The following SPRED1 variants were observed in gnomAD, a reference collection of about 807,000 sequenced individuals.
The protein encoded by SPRED1 is sprouty-related, EVH1 domain-containing protein 1.
A neutral mutation model predicts 52.3 loss-of-function variants in SPRED1; 18 were observed. The ratio of observed to expected loss-of-function variants is 0.34; its 90% CI spans 0.24 to 0.51. SPRED1 has a LOEUF of 0.51. Among genes scored for constraint, SPRED1 ranks in the 20% least tolerant of loss-of-function variants. The pLI, the probability that SPRED1 is intolerant of heterozygous loss-of-function variation, is 0.97. For missense variants in SPRED1, 485 were observed against 551.0 expected, an observed-to-expected ratio of 0.88 and a Z score of 1.20; for synonymous variants, 155 against 179.7, an observed-to-expected ratio of 0.86 and a Z score of 1.10.
At chr15:38,288,929 T>C (rs1894864036) in intron 1 of SPRED1, among the ~76,000 whole-genome samples, 1 of 152,150 alleles carries the variant, frequency 6.6e-6, no homozygotes, top group Non-Finnish European at 1.5e-5. Flanking sequence ...AGCAACAAAT[T>C]TTCAGTTAGT....
chr15:38,300,274 A>T (rs1021436092), intron 2 of SPRED1, among the ~76,000 whole-genome samples: 1 of 152,206 alleles, frequency 6.6e-6, no homozygotes, highest in African/African-American at 2.4e-5. Flanking sequence ...AACTGATTAC[A>T]TCCGAAAAGC....
At chr15:38,303,948 T>G (rs953203002) in intron 2 of SPRED1, among the ~76,000 whole-genome samples, 2 of 152,182 alleles carry the variant, frequency 1.3e-5, no homozygotes, top group African/African-American at 4.8e-5. Flanking sequence ...CCAAAGAGAT[T>G]AAGGAATTGT....
rs1888546647 is a variant in SPRED1, at chr15:38,353,758, C to T, written c.*2094C>T. On this transcript the variant is annotated 3_prime_UTR_variant, in exon 7 of 7. Coordinates refer to ENST00000299084, the MANE Select transcript of SPRED1 (RefSeq NM_152594.3). The stretch of plus-strand genomic sequence containing the variant: ...TCAGGTTTGATCAAGGTGTGAATAA[C>T]TGAAGAAAATAACTTGCTGGCTATA... 1 of 152,478 alleles carries T rather than the reference C, an allele frequency of 6.6e-6. No individual in the cohort carries two copies. The highest frequency in any genetic ancestry group is 2.4e-5 in the African/African-American group (1 of 41,408). The allele number at this position is 152,478 out of a possible 1,614,324, so 9.4% of individuals were successfully genotyped here.
chr15:38,267,891 C>T (rs958105178), intron 1 of SPRED1, among the ~76,000 whole-genome samples: 2 of 152,168 alleles, frequency 1.3e-5, no homozygotes, highest in Admixed American at 6.5e-5. Context: ...TGTACATACA[C>T]GCACGTATGC....
chr15:38,281,852 A>G (rs140377653), intron 1 of SPRED1, among the ~76,000 whole-genome samples: 2,300 of 152,234 alleles, frequency 0.015, 45 homozygotes, highest in African/African-American at 0.038. Flanking sequence ...TTTGACCCCA[A>G]TTAATCCTTT....
chr15:38,303,013 AAAC>A (rs1353281620), intron 2 of SPRED1, among the ~76,000 whole-genome samples: 1 of 151,976 alleles, frequency 6.6e-6, no homozygotes, highest in Non-Finnish European at 1.5e-5. Flanking sequence ...AATACAAAAC[AAAC>A]AACAACAACA....
intron 5 of SPRED1, among the ~76,000 whole-genome samples, chr15:38,340,377 AC>A (rs1896003280): frequency 1.3e-5 from 2 of 152,040 alleles, no homozygotes; most frequent in South Asian, 4.2e-4. Flanking sequence ...CTTGGAATAA[AC>A]CCATCTTGGT....
intron 1 of SPRED1, among the ~76,000 whole-genome samples, chr15:38,293,393 C>G (rs114416885): frequency 6.6e-6 from 1 of 152,012 alleles, no homozygotes; most frequent in African/African-American, 2.4e-5. Context: ...CCACCACACC[C>G]GGCTCCAAGA....
chr15:38,325,539 G>T (rs1895697410), intron 4 of SPRED1, among the ~76,000 whole-genome samples: 1 of 152,014 alleles, frequency 6.6e-6, no homozygotes, highest in Non-Finnish European at 1.5e-5. Context: ...GGCACAAGTT[G>T]ATGTTGCAGT....
intron 2 of SPRED1, among the ~76,000 whole-genome samples, chr15:38,321,386 C>T (rs1490057677): frequency 6.6e-6 from 1 of 152,046 alleles, no homozygotes; most frequent in Non-Finnish European, 1.5e-5. Context: ...AATGCACATT[C>T]GGTCATTCCA....
In SPRED1 at chr15:38,252,952, G is replaced by C. The variant is rs557220249; in HGVS notation, c.-234G>C. The C allele has an allele frequency of 1.7e-6, 1 of 594,116 alleles. No individual in the cohort carries two copies. The highest frequency in any genetic ancestry group is 2.0e-5 in the South Asian group (1 of 50,658). 36.8% of individuals were successfully genotyped at this position (594,116 alleles called of 1,614,324 possible). A position where few individuals can be genotyped will look rare whatever the true frequency, so the allele number is the denominator to read the frequency against. On this transcript the variant is annotated 5_prime_UTR_variant, in exon 1 of 7. Coordinates refer to ENST00000299084, the MANE Select transcript of SPRED1 (RefSeq NM_152594.3). ...CCCTTGGCTGGGCACTGAGGCGGGG[G>C]AAGAGGCTGGGGTCGCCACGGCGGA...
chr15:38,316,109 T>C (rs1337842071), intron 2 of SPRED1, among the ~76,000 whole-genome samples: 1 of 152,022 alleles, frequency 6.6e-6, no homozygotes, highest in Non-Finnish European at 1.5e-5. Flanking sequence ...AGCTTAATCA[T>C]TTTATTTTGA....
chr15:38,326,493 G>A (rs1895711897), intron 4 of SPRED1: 2 of 152,196 alleles, frequency 1.3e-5, no homozygotes, highest in African/African-American at 4.8e-5. Context: ...CATTGTCTAA[G>A]GATGTGAGTG....
At position 38,331,745 on chromosome 15, in the gene SPRED1, G is replaced by A. The variant is rs147322891; in HGVS notation, c.423+6936G>A. On this transcript the variant is annotated intron_variant, in intron 4 of 6. Coordinates refer to ENST00000299084, the MANE Select transcript of SPRED1 (RefSeq NM_152594.3). ...AGTAAGGCCCAGTGTGGGCAGAGAT[G>A]TAAGGAAATGTATCCTCTGTCTTAA... 2.2e-3 allele frequency among the ~76,000 whole-genome samples: 335 copies of A among 152,212 alleles called. 1 individual carries two copies. Among genetic ancestry groups the A allele is most frequent in the African/African-American group, 7.6e-3 (317 of 41,548 alleles).
intron 2 of SPRED1, among the ~76,000 whole-genome samples, chr15:38,319,826 A>G (rs1327642399): frequency 1.3e-5 from 2 of 152,236 alleles, no homozygotes; most frequent in Non-Finnish European, 2.9e-5. Flanking sequence ...ACTACCAAGA[A>G]TTATTATATT....
chr15:38,344,477 A>G (rs763532774), intron 5 of SPRED1, among the ~76,000 whole-genome samples: 2 of 152,204 alleles, frequency 1.3e-5, no homozygotes, highest in Non-Finnish European at 2.9e-5. Context: ...GAATGTAGTC[A>G]TCAGGTAGAA....
rs1188036457 is a variant in SPRED1, at chr15:38,339,863, A to G, written c.550A>G (p.Arg184Gly). The stretch of plus-strand genomic sequence containing the variant: ...TTCTCCCTTTGAAGATCTGAATGCC[A>G]GAAGAGTCTACATGCAAAGCCAAGC... ...RPSPFEDLNA[R>G]RVYMQSQANQ... Residue 184 changes from arginine (R) to glycine (G), a missense_variant, in exon 5 of 7, where the codon AGA (arginine) becomes GGA (glycine). Physicochemically the swap from Arg to Gly is moderately radical, Grantham distance 125. Transcript: ENST00000299084. 1.2e-6 allele frequency: 2 copies of G among 1,613,860 alleles called. No homozygotes were observed. Among genetic ancestry groups the G allele is most frequent in the African/African-American group, 2.7e-5 (2 of 74,940 alleles).
At chr15:38,276,704 C>T (rs1241299259) in intron 1 of SPRED1, among the ~76,000 whole-genome samples, 3 of 152,260 alleles carry the variant, frequency 2.0e-5, no homozygotes, top group East Asian at 1.9e-4. Context: ...TTTGTTCAGG[C>T]TTTCAAGTAT....
At position 38,290,422 on chromosome 15, in the gene SPRED1, A is replaced by G. The variant is rs556739284; in HGVS notation, c.33-8951A>G. 9.9e-5 allele frequency among the ~76,000 whole-genome samples: 15 copies of G among 152,200 alleles called. No individual in the cohort carries two copies. The South Asian group carries it at 3.1e-3, about 32-fold the overall frequency. On this transcript the variant is annotated intron_variant, in intron 1 of 6. Coordinates refer to ENST00000299084, the MANE Select transcript of SPRED1 (RefSeq NM_152594.3). ...AAAGGTGTAGTTTGTGAAAACCTCT[A>G]TTCATCTCTCATATTTTAATTTTAT...
Sources: gnomAD v4.1 joint callset for allele counts (sites outside exome capture counted in the v4.1 genomes callset) on GRCh38, gnomAD v4.1.1 for gene constraint, MANE v1.5 for transcripts, NCBI Gene and HGNC (gene_info 2026-07-23, HGNC 2026-07-21) for gene names.